The following PCBP2 variants were observed in gnomAD, a reference collection of about 807,000 sequenced individuals.
The protein encoded by PCBP2 is poly(rC)-binding protein 2.
A neutral mutation model predicts 50.1 loss-of-function variants in PCBP2; 4 were observed. The ratio of observed to expected loss-of-function variants is 0.08; its 90% CI spans 0.04 to 0.18. The LOEUF is 0.18. Among genes scored for constraint, PCBP2 ranks in the 10% least tolerant of loss-of-function variants. The pLI, the probability that PCBP2 is intolerant of heterozygous loss-of-function variation, is 1.00. For synonymous variants in PCBP2, 179 were observed against 168.0 expected (o/e 1.07, Z -0.51); for missense variants, 161 against 474.3 (o/e 0.34, Z 6.14).
At chr12:53,460,104 A>G in intron 6 of PCBP2, 1 of 233,654 alleles carries the variant, frequency 4.3e-6, no homozygotes, top group African/African-American at 2.3e-5. Flanking sequence ...AACAAGGAGA[A>G]AAATAGGAAG....
chr12:53,456,407 G>A (rs557866220), intron 5 of PCBP2, among the ~76,000 whole-genome samples: 14 of 150,298 alleles, frequency 9.3e-5, no homozygotes, highest in Admixed American at 8.6e-4. Context: ...GTGGTGAGCC[G>A]AGATCACACC....
chr12:53,453,206 TG>T lies in PCBP2; in HGVS notation c.-76+831del, dbSNP rs905590469. On this transcript the variant is annotated intron_variant, in intron 1 of 14. Transcript: ENST00000546463. ...ATGGCTTCAAATAGGTTTCCTGTTT[TG>T]TTTTTTTTTTTTTTGCCTTTTCGAA... The T allele has an allele frequency of 9.4e-5, 14 of 148,286 alleles. No individual in the cohort carries two copies. The South Asian group carries it at 1.1e-3, about 11-fold the overall frequency. The allele number at this position is 148,286 out of a possible 1,614,324, so 9.2% of individuals were successfully genotyped here. A position where few individuals can be genotyped will look rare whatever the true frequency, so the allele number is the denominator to read the frequency against.
At chr12:53,462,715 C>T in intron 8 of PCBP2, 148 bp downstream of exon 8, 1 of 585,158 alleles carries the variant, frequency 1.7e-6, no homozygotes, top group Non-Finnish European at 2.9e-6. Context: ...TATTTTTGTA[C>T]TGGAGAAAGC....
At chr12:53,463,561 A>G (rs889693983) in intron 8 of PCBP2, among the ~76,000 whole-genome samples, 2 of 152,218 alleles carry the variant, frequency 1.3e-5, no homozygotes, top group African/African-American at 4.8e-5. Context: ...TGATTAAAAT[A>G]TGTGGGAGGA....
intron 6 of PCBP2, 151 bp from the exon 7 acceptor site, chr12:53,460,864 G>T: frequency 1.3e-6 from 1 of 759,508 alleles, no homozygotes. Flanking sequence ...AGTCCTATCT[G>T]GAATAAGGGA....
chr12:53,459,872 C>T (rs1483907520), intron 6 of PCBP2: 3 of 454,614 alleles, frequency 6.6e-6, no homozygotes, highest in Non-Finnish European at 1.3e-5. Flanking sequence ...GCGATCCTCT[C>T]ATCTCAGCCT....
intron 14 of PCBP2, among the ~76,000 whole-genome samples, chr12:53,473,858 A>G (rs903547619): frequency 2.6e-5 from 4 of 151,458 alleles, no homozygotes; most frequent in African/African-American, 9.7e-5. Context: ...TCATGGTGGC[A>G]GTCTGTCCTT....
rs112884664 is a variant in PCBP2, at chr12:53,461,012, A to C, written c.376-3A>C. 2 of 1,613,048 alleles carry C rather than the reference A, an allele frequency of 1.2e-6. No homozygotes were observed. Among genetic ancestry groups the C allele is most frequent in the Non-Finnish European group, 1.7e-6 (2 of 1,179,800 alleles). On this transcript the variant is annotated splice_region_variant and splice_polypyrimidine_tract_variant and intron_variant, in intron 6 of 14. Coordinates refer to ENST00000546463, the MANE Select transcript of PCBP2 (RefSeq NM_031989.5). ...TGATTTTGAATTTCTTTTTACTCCA[A>C]AGAGTACAGGGGCTCAGGTCCAGGT...
chr12:53,470,188 A>T (rs1445812231), intron 13 of PCBP2, among the ~76,000 whole-genome samples: 2 of 151,510 alleles, frequency 1.3e-5, no homozygotes, highest in African/African-American at 4.8e-5. Context: ...GACCAGCCTG[A>T]CCATAGTGGT....
At chr12:53,466,219 G>T (rs1211522515) in intron 10 of PCBP2, among the ~76,000 whole-genome samples, 2 of 152,204 alleles carry the variant, frequency 1.3e-5, no homozygotes, top group African/African-American at 2.4e-5. Flanking sequence ...CTGTGTTTCA[G>T]ATTACCCTGT....
At chr12:53,456,342 C>T (rs1941008118) in intron 5 of PCBP2, among the ~76,000 whole-genome samples, 1 of 151,822 alleles carries the variant, frequency 6.6e-6, no homozygotes, top group Admixed American at 6.6e-5. Context: ...CCTGTAATCC[C>T]AGCTACTCAG....
intron 5 of PCBP2, among the ~76,000 whole-genome samples, chr12:53,458,314 G>T (rs913448909): frequency 2.6e-5 from 4 of 151,720 alleles, no homozygotes; most frequent in African/African-American, 9.7e-5. Context: ...TTTTTGTTTT[G>T]TTTTGTTTTG....
At chr12:53,459,135 T>C in intron 5 of PCBP2, 137 bp from the exon 6 acceptor site, 1 of 597,528 alleles carries the variant, frequency 1.7e-6, no homozygotes, top group Non-Finnish European at 2.6e-6. Flanking sequence ...GCATGGTATT[T>C]GAACCTTTTG....
chr12:53,466,472 CA>C (rs1249599106), intron 10 of PCBP2, among the ~76,000 whole-genome samples: 1 of 152,170 alleles, frequency 6.6e-6, no homozygotes, highest in Non-Finnish European at 1.5e-5. Flanking sequence ...GAATTCAACT[CA>C]AACCTTTCTT....
In PCBP2 at chr12:53,467,215, T is replaced by G. The variant is rs371410376; in HGVS notation, c.715-6T>G. The G allele has an allele frequency of 6.2e-7, 1 of 1,611,614 alleles. No homozygotes were observed. Among genetic ancestry groups the G allele is most frequent in the Non-Finnish European group, 8.5e-7 (1 of 1,177,898 alleles). On this transcript the variant is annotated splice_region_variant and splice_polypyrimidine_tract_variant and intron_variant, in intron 10 of 14. Transcript: ENST00000546463. Reference sequence around the variant, plus strand: ...CTAATGCCAACCTCCTGTTTCCTCCTTGCAGTTGACCAAGCTGCACCAGTT... The same window carrying G: ...CTAATGCCAACCTCCTGTTTCCTCCGTGCAGTTGACCAAGCTGCACCAGTT...
intron 12 of PCBP2, chr12:53,468,483 T>C (rs957913110): frequency 1.2e-5 from 5 of 412,512 alleles, no homozygotes; most frequent in Middle Eastern, 1.3e-3. Flanking sequence ...TTGGTCCTTT[T>C]TGAGGATACC....
intron 14 of PCBP2, among the ~76,000 whole-genome samples, chr12:53,472,823 A>C (rs1445911318): frequency 6.6e-6 from 1 of 152,108 alleles, no homozygotes; most frequent in African/African-American, 2.4e-5. Flanking sequence ...TTGCCTTAAG[A>C]CTTCATATCT....
At chr12:53,468,700 T>C in intron 12 of PCBP2, 77 bp from the exon 13 acceptor site, 1 of 1,077,868 alleles carries the variant, frequency 9.3e-7, no homozygotes, top group Non-Finnish European at 1.4e-6. Context: ...TTTATTTCCT[T>C]CTGTTAGTTT....
chr12:53,481,106 C>T lies in PCBP2; in HGVS notation c.*1664C>T, dbSNP rs538514732. On this transcript the variant is annotated 3_prime_UTR_variant, in exon 15 of 15. Coordinates refer to ENST00000546463, the MANE Select transcript of PCBP2 (RefSeq NM_031989.5). ...CCCCATCTTTCTGTTGATTATGTGGCGCATATATATATATATATGTATATA... is the reference window on the plus strand; with the variant it reads ...CCCCATCTTTCTGTTGATTATGTGGTGCATATATATATATATATGTATATA... The T allele has an allele frequency of 9.2e-4, 568 of 618,876 alleles. 15 individuals carry two copies. In the South Asian group the frequency reaches 0.036, roughly 40 times the overall value. The allele number at this position is 618,876 out of a possible 1,614,324, so 38.3% of individuals were successfully genotyped here. A position where few individuals can be genotyped will look rare whatever the true frequency, so the allele number is the denominator to read the frequency against.
Sources: allele counts gnomAD v4.1 joint callset (sites outside exome capture counted in the v4.1 genomes callset), GRCh38; gene constraint gnomAD v4.1.1; transcripts MANE v1.5; gene names NCBI Gene and HGNC (gene_info 2026-07-23, HGNC 2026-07-21).